Variants in POLR1A observed in about 807,000 individuals in gnomAD.
POLR1A encodes the protein RNA polymerase I subunit A.
In POLR1A, 84 loss-of-function variants were observed where a neutral mutation model predicts 205.3. The observed-to-expected ratio is 0.41, with a 90% CI of 0.34 to 0.49. POLR1A has a LOEUF of 0.49. Among genes scored for constraint, POLR1A ranks in the 20% least tolerant of loss-of-function variants. The probability of loss-of-function intolerance (pLI) is 0.22; values close to 1 mark genes in which losing one functional copy is unlikely to be tolerated. For missense variants in POLR1A, 1,645 were observed against 2,204.5 expected (o/e 0.75, Z 5.08); for synonymous variants, 799 against 863.7 (o/e 0.93, Z 1.31).
chr2:86,065,666 C>G (rs1673073335), intron 13 of POLR1A: 2 of 571,426 alleles, frequency 3.5e-6, no homozygotes, highest in South Asian at 4.4e-5. Context: ...GCACTGGCTT[C>G]TACGTTTGCC....
rs1238219742 is a variant in POLR1A, at chr2:86,025,338, T to G, written c.*2085A>C. 6.6e-6 allele frequency: 1 copy of G among 152,254 alleles called. No homozygotes were observed. The highest frequency in any genetic ancestry group is 2.4e-5 in the African/African-American group (1 of 41,462). 9.4% of individuals were successfully genotyped at this position (152,254 alleles called of 1,614,324 possible). On this transcript the variant is annotated 3_prime_UTR_variant, in exon 34 of 34. Transcript: ENST00000263857. ...AGTCCTAAGAAGACTCCAAAGCCTC[T>G]GCCATCTTAAGCTGCCAAGGCCACT...
rs776491038 is a variant in POLR1A at position 86,078,078 on chromosome 2, C to G, written c.1257+36G>C. On this transcript the variant is annotated intron_variant, in intron 10 of 33. Transcript: ENST00000263857. ...ATACACAATGTTTATTATTTATCTT[C>G]TGTAGCTAGCAATGGGAATCCAGTT... The G allele has an allele frequency of 9.3e-6, 15 of 1,612,530 alleles. No homozygotes were observed. The East Asian group carries it at 3.1e-4, about 34-fold the overall frequency.
intron 24 of POLR1A, 28 bp from the exon 25 acceptor site, chr2:86,040,587 G>A: frequency 2.0e-6 from 3 of 1,501,714 alleles, no homozygotes; most frequent in African/African-American, 1.4e-5. Flanking sequence ...GGGTCAGGGT[G>A]GGGGTTGTGG....
At chr2:86,077,498 T>G (rs1673309511) in intron 11 of POLR1A, among the ~76,000 whole-genome samples, 1 of 152,114 alleles carries the variant, frequency 6.6e-6, no homozygotes, top group South Asian at 2.1e-4. Context: ...CCCTGTCATG[T>G]ATTCAATTTG....
At chr2:86,081,741 T>A in intron 7 of POLR1A, 35 bp from the exon 8 acceptor site, 1 of 1,282,392 alleles carries the variant, frequency 7.8e-7, no homozygotes, top group Non-Finnish European at 1.1e-6. Context: ...GAAGACCATT[T>A]AAATCTATCA....
Position 86,030,280 on chromosome 2 carries a change from A to C in POLR1A, c.4695T>G (p.Asn1565Lys), listed in dbSNP as rs749349940. The C allele has an allele frequency of 6.2e-7, 1 of 1,614,158 alleles. No homozygotes were observed. Residue 1565 changes from asparagine to lysine, a missense_variant, in exon 31 of 34, where the codon AAT becomes AAG. This residue lies in a region of POLR1A where 394 missense variants were observed against 468.5 expected (regional missense o/e 0.84). Transcript: ENST00000263857. ...TCTCGTTCTTATTGTTGGTTGTTTC[A>C]TTCAGGAGGCACCGAGTGATGCCCT... Reference protein sequence around the residue: ...ATKGITRCLLNETTNNKNEKE... With the variant: ...ATKGITRCLLKETTNNKNEKE...
chr2:86,101,639 A>T (rs1267990985), intron 1 of POLR1A, among the ~76,000 whole-genome samples: 3 of 152,178 alleles, frequency 2.0e-5, no homozygotes, highest in Admixed American at 1.3e-4. Flanking sequence ...TTAATTTTTG[A>T]AACTGTAATA....
chr2:86,086,313 T>G (rs1368139900), intron 6 of POLR1A, among the ~76,000 whole-genome samples: 1 of 152,150 alleles, frequency 6.6e-6, no homozygotes, highest in Non-Finnish European at 1.5e-5. Context: ...GCCTGCCTCC[T>G]GACTTCAGAT....
rs1672832643 is a variant in POLR1A, at chr2:86,053,000, C to T, written c.2209G>A (p.Val737Met). The T allele has an allele frequency of 1.3e-6, 2 of 1,572,634 alleles. No individual in the cohort carries two copies. The highest frequency in any genetic ancestry group is 8.6e-7 in the Non-Finnish European group (1 of 1,157,944). Residue 737 changes from valine (V) to methionine (M), a missense_variant and splice_region_variant, in exon 16 of 34, where the codon GTG becomes ATG. Around this residue, in one of 16 missense-constraint regions of POLR1A, gnomAD observed 339 missense variants for 415.1 expected, o/e 0.82. Coordinates refer to ENST00000263857, the MANE Select transcript of POLR1A (RefSeq NM_015425.6). Reference protein sequence around the residue: ...FNPDSMCESQVIIREGELLCG... With the variant: ...FNPDSMCESQMIIREGELLCG... ...AGCAGCTCCCCTTCCCTGATGATCACCTGCAGAGGGCAAGGCCACCAATGC... is the reference window on the plus strand; with the variant it reads ...AGCAGCTCCCCTTCCCTGATGATCATCTGCAGAGGGCAAGGCCACCAATGC...
intron 3 of POLR1A, 94 bp downstream of exon 3, chr2:86,098,517 T>A (rs761379757): frequency 1.0e-5 from 13 of 1,266,284 alleles, no homozygotes; most frequent in Non-Finnish European, 1.5e-5. Context: ...TTCTGATGAC[T>A]ATCGGCATGG....
intron 28 of POLR1A, among the ~76,000 whole-genome samples, chr2:86,032,999 C>A (rs1672423356): frequency 6.6e-6 from 1 of 152,172 alleles, no homozygotes; most frequent in African/African-American, 2.4e-5. Context: ...AGAAGGGTGA[C>A]ACAACTGAGA....
At chr2:86,062,808 A>G (rs1334630077) in intron 14 of POLR1A, among the ~76,000 whole-genome samples, 1 of 152,204 alleles carries the variant, frequency 6.6e-6, no homozygotes, top group Non-Finnish European at 1.5e-5. Flanking sequence ...GATCAGGAAA[A>G]AAGAGAAGAC....
At chr2:86,077,301 G>T (rs1018312239) in intron 11 of POLR1A, among the ~76,000 whole-genome samples, 1 of 152,158 alleles carries the variant, frequency 6.6e-6, no homozygotes, top group African/African-American at 2.4e-5. Context: ...GGGGTCGGGG[G>T]GAGAGCACTA....
rs150820245 is a variant in POLR1A, at chr2:86,024,369, T to A, written c.*3054A>T. The A allele has an allele frequency of 4.4e-3, 690 of 155,668 alleles. 3 individuals are homozygous for A. Among genetic ancestry groups the A allele is most frequent in the Non-Finnish European group, 6.0e-3 (418 of 69,870 alleles). 9.6% of individuals were successfully genotyped at this position (155,668 alleles called of 1,614,324 possible). A position where few individuals can be genotyped will look rare whatever the true frequency, so the allele number is the denominator to read the frequency against. On this transcript the variant is annotated 3_prime_UTR_variant, in exon 34 of 34. Transcript: ENST00000263857. ...CCAGGGGCTGGGGAGGTGGAAGGAA[T>A]AGGGAGTTAGTGCTCAATGGATACA... is the stretch of plus-strand genomic sequence containing the variant.
intron 12 of POLR1A, among the ~76,000 whole-genome samples, chr2:86,073,573 T>C (rs1386110290): frequency 6.6e-6 from 1 of 152,168 alleles, no homozygotes; most frequent in African/African-American, 2.4e-5. Flanking sequence ...CCCTGCACAT[T>C]CCCCTCAAAC....
chr2:86,038,273 A>T (rs1194817359), intron 27 of POLR1A, among the ~76,000 whole-genome samples: 1 of 152,228 alleles, frequency 6.6e-6, no homozygotes, highest in African/African-American at 2.4e-5. Flanking sequence ...CATTATTCAC[A>T]GAATCTAAAT....
intron 12 of POLR1A, among the ~76,000 whole-genome samples, chr2:86,073,464 G>T (rs1055091771): frequency 6.6e-6 from 1 of 152,174 alleles, no homozygotes; most frequent in African/African-American, 2.4e-5. Flanking sequence ...AGAGCAGCAA[G>T]AATTCGCTGC....
intron 3 of POLR1A, among the ~76,000 whole-genome samples, chr2:86,092,276 A>G (rs1573834522): frequency 6.6e-6 from 1 of 152,206 alleles, no homozygotes; most frequent in South Asian, 2.1e-4. Context: ...GGCATATCCT[A>G]CGGTCCCTGG....
chr2:86,049,303 A>C (rs752645707), intron 16 of POLR1A, 61 bp from the exon 17 acceptor site: 3 of 1,201,052 alleles, frequency 2.5e-6, no homozygotes, highest in Non-Finnish European at 3.7e-6. Flanking sequence ...CCACCAGACT[A>C]AACTCAGTAA....
Sources: gnomAD v4.1 joint callset for allele counts (sites outside exome capture counted in the v4.1 genomes callset) on GRCh38, gnomAD v4.1.1 for gene constraint, gnomAD v4.1.1 regional missense constraint, MANE v1.5 for transcripts, NCBI Gene and HGNC (gene_info 2026-07-23, HGNC 2026-07-21) for gene names.